The following ALK variants were observed in gnomAD, a reference collection of about 807,000 sequenced individuals.
The protein encoded by ALK is ALK receptor tyrosine kinase.
In ALK, 74 loss-of-function variants were observed where a neutral mutation model predicts 163.1. The observed-to-expected ratio is 0.45, with a 90% CI of 0.38 to 0.55. ALK has a LOEUF of 0.55. ALK is among the 20% of genes least tolerant of loss of function. The pLI, the probability that ALK is intolerant of heterozygous loss-of-function variation, is 0.00. For missense variants in ALK, 2,063 were observed against 2,105.3 expected, an observed-to-expected ratio of 0.98 and a Z score of 0.39; for synonymous variants, 960 against 843.2, an observed-to-expected ratio of 1.14 and a Z score of -2.40.
At chr2:29,208,620 G>A (rs558564796) in intron 25 of ALK, among the ~76,000 whole-genome samples, 9 of 152,168 alleles carry the variant, frequency 5.9e-5, no homozygotes, top group Non-Finnish European at 1.3e-4. Context: ...GTGGTAACAT[G>A]ATGGCCTCAG....
chr2:29,621,825 G>C (rs750464926), intron 3 of ALK, among the ~76,000 whole-genome samples: 1 of 152,158 alleles, frequency 6.6e-6, no homozygotes, highest in Non-Finnish European at 1.5e-5. Flanking sequence ...ATCATTGTGC[G>C]AATGAGTTTG....
chr2:29,464,350 T>A (rs1671155414), intron 4 of ALK, among the ~76,000 whole-genome samples: 1 of 152,156 alleles, frequency 6.6e-6, no homozygotes, highest in African/African-American at 2.4e-5. Context: ...CATAAAGAAC[T>A]GGAGTATAAA....
chr2:29,307,223 G>A (rs1478625843), intron 8 of ALK, among the ~76,000 whole-genome samples: 1 of 152,206 alleles, frequency 6.6e-6, no homozygotes, highest in Non-Finnish European at 1.5e-5. Context: ...GATCAAAAGA[G>A]ACTCAGTGAC....
At chr2:29,287,008 G>A (rs1370975307) in intron 9 of ALK, among the ~76,000 whole-genome samples, 1 of 151,646 alleles carries the variant, frequency 6.6e-6, no homozygotes, top group Non-Finnish European at 1.5e-5. Flanking sequence ...ACCCTTTGCA[G>A]TAGGTGTGGC....
At chr2:29,322,953 C>T (rs539338854) in intron 6 of ALK, among the ~76,000 whole-genome samples, 14 of 152,302 alleles carry the variant, frequency 9.2e-5, no homozygotes, top group African/African-American at 1.9e-4. Context: ...ATGCACAGTA[C>T]GTCACTCCCT....
intron 5 of ALK, among the ~76,000 whole-genome samples, chr2:29,354,546 G>A (rs776122284): frequency 2.0e-5 from 3 of 151,164 alleles, no homozygotes; most frequent in South Asian, 2.1e-4. Context: ...ATCGTGCACC[G>A]GAGACCATCC....
chr2:29,444,214 C>T (rs1670614721), intron 4 of ALK, among the ~76,000 whole-genome samples: 1 of 152,136 alleles, frequency 6.6e-6, no homozygotes, highest in Non-Finnish European at 1.5e-5. Context: ...CCCCTCTTCT[C>T]TTTTATTGCT....
chr2:29,776,859 A>G (rs994266120), intron 1 of ALK, among the ~76,000 whole-genome samples: 2 of 152,206 alleles, frequency 1.3e-5, no homozygotes, highest in African/African-American at 4.8e-5. Flanking sequence ...GTCTTAGTTC[A>G]CGTCAAGTCC....
rs1675210227 is a variant in ALK at position 29,596,193 on chromosome 2, T to C, written c.953-64077A>G. On this transcript the variant is annotated intron_variant, in intron 3 of 28. Transcript: ENST00000389048. Reference sequence around the variant, plus strand: ...GTTAAACCTACCTCTACCATATCCTTTGGCCAGATTTTTCTTTCCCTAACC... The same window carrying C: ...GTTAAACCTACCTCTACCATATCCTCTGGCCAGATTTTTCTTTCCCTAACC... Among the ~76,000 whole-genome samples, 3 of 152,298 alleles carry C rather than the reference T, an allele frequency of 2.0e-5. No homozygotes were observed. The South Asian group carries it at 6.2e-4, about 32-fold the overall frequency.
chr2:29,502,675 A>T (rs1451479056), intron 4 of ALK, among the ~76,000 whole-genome samples: 1 of 151,436 alleles, frequency 6.6e-6, no homozygotes, highest in African/African-American at 2.5e-5. Context: ...GTGATTAATG[A>T]GATGGGGCAC....
intron 26 of ALK, among the ~76,000 whole-genome samples, chr2:29,203,896 C>G (rs1669249566): frequency 1.3e-5 from 2 of 151,908 alleles, no homozygotes; most frequent in South Asian, 2.1e-4. Context: ...TCTTTATTCT[C>G]TTCATTTCCT....
chr2:29,463,058 TATAAC>T (rs1671124853), intron 4 of ALK, among the ~76,000 whole-genome samples: 2 of 152,214 alleles, frequency 1.3e-5, no homozygotes, highest in South Asian at 4.2e-4. Context: ...AAAGTAGTCT[TATAAC>T]ATATAATCGT....
At chr2:29,483,886 G>A (rs1010422389) in intron 4 of ALK, among the ~76,000 whole-genome samples, 1 of 152,058 alleles carries the variant, frequency 6.6e-6, no homozygotes, top group South Asian at 2.1e-4. Context: ...CCCGAGACTG[G>A]GTAATTTATA....
intron 1 of ALK, among the ~76,000 whole-genome samples, chr2:29,910,325 A>G (rs181271998): frequency 6.6e-6 from 1 of 152,284 alleles, no homozygotes; most frequent in Admixed American, 6.5e-5. Flanking sequence ...GCAGACTGAA[A>G]TACAGAGAGA....
In ALK at chr2:29,275,702, C is replaced by T. The variant is rs114523409; in HGVS notation, c.1818-206G>A. The stretch of plus-strand genomic sequence containing the variant: ...CACTTCCCCTTCCGAACTATCGCTC[C>T]GTACTGTTAATGGCTGACACACTGG... On this transcript the variant is annotated intron_variant, in intron 9 of 28. Coordinates refer to ENST00000389048, the MANE Select transcript of ALK (RefSeq NM_004304.5). 0.011 allele frequency among the ~76,000 whole-genome samples: 1,638 copies of T among 152,268 alleles called. 15 individuals carry two copies. Among genetic ancestry groups the T allele is most frequent in the Non-Finnish European group, 0.018 (1,231 of 68,018 alleles).
At chr2:29,367,757 A>T (rs747293636) in intron 5 of ALK, among the ~76,000 whole-genome samples, 5 of 152,148 alleles carry the variant, frequency 3.3e-5, no homozygotes, top group Admixed American at 1.3e-4. Flanking sequence ...TATTATTGTC[A>T]TTGCTGTTAT....
intron 3 of ALK, among the ~76,000 whole-genome samples, chr2:29,671,085 A>G (rs546286878): frequency 2.0e-5 from 3 of 152,098 alleles, no homozygotes; most frequent in East Asian, 1.9e-4. Context: ...ATATCTTTGC[A>G]TTGAAAGATC....
At chr2:29,616,822 A>C (rs542434662) in intron 3 of ALK, among the ~76,000 whole-genome samples, 2 of 152,292 alleles carry the variant, frequency 1.3e-5, no homozygotes, top group East Asian at 3.9e-4. Context: ...CTGTAGGCAA[A>C]CTGTGCCCTG....
At chr2:29,511,168 G>A (rs1672500274) in intron 4 of ALK, among the ~76,000 whole-genome samples, 1 of 152,026 alleles carries the variant, frequency 6.6e-6, no homozygotes, top group Admixed American at 6.5e-5. Flanking sequence ...AAGTGTACAG[G>A]TTGATGAGTT....
Sources: allele counts gnomAD v4.1 joint callset (sites outside exome capture counted in the v4.1 genomes callset), GRCh38; gene constraint gnomAD v4.1.1; transcripts MANE v1.5; gene names NCBI Gene and HGNC (gene_info 2026-07-23, HGNC 2026-07-21).